The following RSRC1 variants were observed in gnomAD, a reference collection of about 807,000 sequenced individuals.
The protein encoded by RSRC1 is arginine and serine rich coiled-coil 1, also known as serine/Arginine-related protein 53.
A neutral mutation model predicts 49.1 loss-of-function variants in RSRC1; 39 were observed. The ratio of observed to expected loss-of-function variants is 0.79; its 90% CI spans 0.61 to 1.04. The LOEUF is 1.04. Among genes scored for constraint, RSRC1 ranks in the 50% least tolerant of loss-of-function variants. The pLI is 0.00. For missense variants in RSRC1, 388 were observed against 402.4 expected, an observed-to-expected ratio of 0.96 and a Z score of 0.31; for synonymous variants, 143 against 130.8, an observed-to-expected ratio of 1.09 and a Z score of -0.63.
intron 4 of RSRC1, among the ~76,000 whole-genome samples, chr3:158,221,385 C>A (rs1559948605): frequency 1.3e-5 from 2 of 151,158 alleles, no homozygotes; most frequent in East Asian, 3.9e-4. Context: ...GATTTCTCAT[C>A]CATTAGATTC....
intron 4 of RSRC1, among the ~76,000 whole-genome samples, chr3:158,281,152 A>G (rs987606002): frequency 3.9e-5 from 6 of 152,170 alleles, no homozygotes; most frequent in Admixed American, 3.9e-4. Flanking sequence ...AATAGGACTA[A>G]CTGATAGATT....
At chr3:158,441,368 A>C (rs1410729606) in intron 6 of RSRC1, among the ~76,000 whole-genome samples, 1 of 152,132 alleles carries the variant, frequency 6.6e-6, no homozygotes. Context: ...AAATACAAAC[A>C]AAGACTTTTT....
intron 3 of RSRC1, among the ~76,000 whole-genome samples, chr3:158,155,582 C>G (rs1717817816): frequency 1.3e-5 from 2 of 150,136 alleles, no homozygotes. Flanking sequence ...CAGGAATGCA[C>G]CACCAAGCCT....
chr3:158,289,924 TATCCATCCATCC>T lies in RSRC1; in HGVS notation c.495-8089_495-8078del, dbSNP rs138336070. On this transcript the variant is annotated intron_variant, in intron 4 of 9. Transcript: ENST00000611884. ...AAATTTATCTGTCTTTCTATCTTTCTATCCATCCATCCATCCATCCATCCATCCATCCATCCA... is the reference window on the plus strand; with the variant it reads ...AAATTTATCTGTCTTTCTATCTTTCTATCCATCCATCCATCCATCCATCCA... 1.5e-3 allele frequency among the ~76,000 whole-genome samples: 227 copies of T among 149,900 alleles called. 1 individual carries two copies. The highest frequency in any genetic ancestry group is 3.3e-3 in the Admixed American group (49 of 15,036).
At chr3:158,475,350 C>T (rs1019956992) in intron 7 of RSRC1, among the ~76,000 whole-genome samples, 1 of 152,100 alleles carries the variant, frequency 6.6e-6, no homozygotes, top group African/African-American at 2.4e-5. Context: ...TGGAAAGAGA[C>T]AGATAATGAA....
chr3:158,321,352 A>G lies in RSRC1; in HGVS notation c.531+23277A>G, dbSNP rs558930169. On this transcript the variant is annotated intron_variant, in intron 5 of 9. Transcript: ENST00000611884. ...TTTGCCAGAATCTCTTCTCTCTCTTATCTTTTTTCTCTTCTTAACTAACTA... is the reference window on the plus strand; with the variant it reads ...TTTGCCAGAATCTCTTCTCTCTCTTGTCTTTTTTCTCTTCTTAACTAACTA... Among the ~76,000 whole-genome samples the G allele has an allele frequency of 7.9e-4, 116 of 146,452 alleles. 1 individual carries two copies. Among genetic ancestry groups the G allele is most frequent in the South Asian group, 4.1e-3 (19 of 4,618 alleles).
chr3:158,213,924 G>A (rs1292819062), intron 4 of RSRC1, among the ~76,000 whole-genome samples: 1 of 151,766 alleles, frequency 6.6e-6, no homozygotes, highest in Non-Finnish European at 1.5e-5. Flanking sequence ...AGCTCTCTAG[G>A]CAAAGACAGC....
intron 5 of RSRC1, among the ~76,000 whole-genome samples, chr3:158,343,105 T>C (rs1041317042): frequency 5.9e-5 from 9 of 152,210 alleles, no homozygotes; most frequent in Non-Finnish European, 1.3e-4. Context: ...AAGAGGAAAC[T>C]GAAGCTTGGG....
At chr3:158,466,784 G>A (rs866598796) in intron 7 of RSRC1, among the ~76,000 whole-genome samples, 3 of 152,160 alleles carry the variant, frequency 2.0e-5, no homozygotes, top group African/African-American at 2.4e-5. Flanking sequence ...ACTTCAGGCC[G>A]GGCATGATGG....
chr3:158,325,454 C>T (rs1170465549), intron 5 of RSRC1, among the ~76,000 whole-genome samples: 1 of 152,178 alleles, frequency 6.6e-6, no homozygotes, highest in East Asian at 1.9e-4. Context: ...TATGGCTAGC[C>T]AGTTTTCCCA....
chr3:158,206,774 CA>C (rs530314923), intron 4 of RSRC1, among the ~76,000 whole-genome samples: 271 of 152,028 alleles, frequency 1.8e-3, no homozygotes, highest in Non-Finnish European at 2.2e-3. Flanking sequence ...ATTAGCTGGG[CA>C]TAGTGGTGCG....
At chr3:158,457,199 A>C (rs549459357) in intron 6 of RSRC1, among the ~76,000 whole-genome samples, 3 of 152,284 alleles carry the variant, frequency 2.0e-5, no homozygotes, top group African/African-American at 7.2e-5. Context: ...AAGTAAAAAG[A>C]AATGAGGTCC....
chr3:158,306,808 T>C (rs1462843227), intron 5 of RSRC1, among the ~76,000 whole-genome samples: 1 of 151,934 alleles, frequency 6.6e-6, no homozygotes, highest in East Asian at 1.9e-4. Flanking sequence ...TATCATCGTA[T>C]TATAGTATAA....
intron 5 of RSRC1, among the ~76,000 whole-genome samples, chr3:158,342,778 A>G (rs1730327772): frequency 6.6e-6 from 1 of 152,220 alleles, no homozygotes; most frequent in Non-Finnish European, 1.5e-5. Flanking sequence ...CGGACAAAAT[A>G]TTTGAAAAAA....
At chr3:158,331,821 G>T (rs1437420121) in intron 5 of RSRC1, among the ~76,000 whole-genome samples, 1 of 148,810 alleles carries the variant, frequency 6.7e-6, no homozygotes, top group African/African-American at 2.5e-5. Flanking sequence ...TGGTATAGTG[G>T]TCTTTTTTTT....
At chr3:158,488,463 G>A (rs1054808406) in intron 7 of RSRC1, among the ~76,000 whole-genome samples, 1 of 152,066 alleles carries the variant, frequency 6.6e-6, no homozygotes, top group African/African-American at 2.4e-5. Flanking sequence ...TGCCATCCAT[G>A]TTCAGCTCAG....
At chr3:158,506,807 G>A (rs902460183) in intron 7 of RSRC1, among the ~76,000 whole-genome samples, 2 of 150,520 alleles carry the variant, frequency 1.3e-5, no homozygotes, top group Non-Finnish European at 3.0e-5. Context: ...TATGATCCAG[G>A]AATCCCACTG....
At chr3:158,390,549 T>C (rs6804113) in intron 6 of RSRC1, among the ~76,000 whole-genome samples, 14,254 of 152,166 alleles carry the variant, frequency 0.094, 2,273 homozygotes, top group African/African-American at 0.33. Context: ...GTAGTAACTA[T>C]TTTATGGAGC....
At chr3:158,536,831 T>A in intron 7 of RSRC1, among the ~76,000 whole-genome samples, 1 of 151,490 alleles carries the variant, frequency 6.6e-6, no homozygotes, top group Non-Finnish European at 1.5e-5. Context: ...AATGCTAAAG[T>A]TTAAGAAAAA....
Sources: allele counts gnomAD v4.1 joint callset (sites outside exome capture counted in the v4.1 genomes callset), GRCh38; gene constraint gnomAD v4.1.1; transcripts MANE v1.5; gene names NCBI Gene and HGNC (gene_info 2026-07-23, HGNC 2026-07-21).